The following SLC44A5 variants were observed in gnomAD, a reference collection of about 807,000 sequenced individuals.
SLC44A5 encodes the protein solute carrier family 44 member 5.
A neutral mutation model predicts 101.8 loss-of-function variants in SLC44A5; 57 were observed. The observed-to-expected ratio is 0.56, with a 90% confidence interval of 0.45 to 0.70. The LOEUF (loss-of-function observed/expected upper bound fraction) is 0.70. Among genes scored for constraint, SLC44A5 ranks in the 30% least tolerant of loss-of-function variants. The pLI is 0.00. For synonymous variants in SLC44A5, 281 were observed against 290.9 expected (o/e 0.97, Z 0.35); for missense variants, 737 against 853.1 (o/e 0.86, Z 1.70).
chr1:75,669,311 C>T, the SLC44A5 span, among the ~76,000 whole-genome samples: 2 of 147,500 alleles, frequency 1.4e-5, no homozygotes, highest in African/African-American at 5.4e-5. Flanking sequence ...TGTGGATTCC[C>T]TATACCCAAG....
intron 1 of SLC44A5, among the ~76,000 whole-genome samples, chr1:75,588,207 G>T (rs990228035): frequency 2.0e-5 from 3 of 149,618 alleles, no homozygotes; most frequent in Non-Finnish European, 4.4e-5. Context: ...AAAGAAAGAA[G>T]GGATGAAGGA....
intron 4 of SLC44A5, among the ~76,000 whole-genome samples, chr1:75,336,170 T>A (rs758466033): frequency 1.5e-4 from 23 of 152,146 alleles, no homozygotes; most frequent in Non-Finnish European, 2.1e-4. Flanking sequence ...TATTATTATT[T>A]TTTGAGACAG....
chr1:75,524,914 G>A (rs1030889083), intron 2 of SLC44A5, among the ~76,000 whole-genome samples: 4 of 151,642 alleles, frequency 2.6e-5, no homozygotes, highest in Non-Finnish European at 5.9e-5. Flanking sequence ...TGATGATTTT[G>A]GTTTTTCTCT....
At chr1:75,434,840 C>T (rs1029721405) in intron 2 of SLC44A5, among the ~76,000 whole-genome samples, 5 of 152,144 alleles carry the variant, frequency 3.3e-5, no homozygotes, top group Admixed American at 2.0e-4. Context: ...TACAATTTCA[C>T]CTTCTCCATA....
intron 2 of SLC44A5, among the ~76,000 whole-genome samples, chr1:75,523,670 G>A (rs922631187): frequency 6.6e-5 from 10 of 152,344 alleles, no homozygotes; most frequent in Admixed American, 4.6e-4. Context: ...AAATAAGCTA[G>A]ATGTGAAGGA....
chr1:75,286,709 T>A (rs2100803869), intron 5 of SLC44A5, among the ~76,000 whole-genome samples: 1 of 152,270 alleles, frequency 6.6e-6, no homozygotes, highest in East Asian at 1.9e-4. Context: ...CTGAAAAAGC[T>A]TGTATCTTTT....
chr1:75,325,620 G>A (rs1386140307), intron 4 of SLC44A5, among the ~76,000 whole-genome samples: 3 of 152,020 alleles, frequency 2.0e-5, no homozygotes, highest in Non-Finnish European at 4.4e-5. Context: ...TGTTATAATT[G>A]TTGTATTTTA....
intron 5 of SLC44A5, among the ~76,000 whole-genome samples, chr1:75,296,596 T>C (rs1653985492): frequency 6.6e-6 from 1 of 152,034 alleles, no homozygotes; most frequent in South Asian, 2.1e-4. Flanking sequence ...GCATCCCTCA[T>C]TACCACAGCA....
intron 1 of SLC44A5, among the ~76,000 whole-genome samples, chr1:75,566,528 T>C (rs1231841927): frequency 1.3e-5 from 2 of 152,238 alleles, no homozygotes; most frequent in African/African-American, 4.8e-5. Context: ...ATTTTTATTA[T>C]CTCTAACAAC....
chr1:75,647,298 G>A, the SLC44A5 span, among the ~76,000 whole-genome samples: 25 of 152,184 alleles, frequency 1.6e-4, no homozygotes, highest in Admixed American at 7.2e-4. Flanking sequence ...TGAGGTTTGG[G>A]AACCTCCACC....
intron 11 of SLC44A5, among the ~76,000 whole-genome samples, chr1:75,236,703 C>T (rs1648115343): frequency 6.6e-6 from 1 of 151,956 alleles, no homozygotes; most frequent in Admixed American, 6.6e-5. Context: ...AGATATTGCT[C>T]CATGTGACTT....
At chr1:75,399,748 A>G (rs2101424972) in intron 2 of SLC44A5, among the ~76,000 whole-genome samples, 1 of 152,366 alleles carries the variant, frequency 6.6e-6, no homozygotes, top group African/African-American at 2.4e-5. Context: ...GAACGGTTTT[A>G]TCAGTGGTGA....
chr1:75,359,768 C>T (rs556762246), intron 3 of SLC44A5, among the ~76,000 whole-genome samples: 17 of 152,218 alleles, frequency 1.1e-4, no homozygotes, highest in African/African-American at 3.9e-4. Context: ...ATAATGACTG[C>T]ACCAATTTAC....
the SLC44A5 span, among the ~76,000 whole-genome samples, chr1:75,648,770 A>G: frequency 2.0e-5 from 3 of 149,616 alleles, no homozygotes; most frequent in South Asian, 6.5e-4. Context: ...TTGATGGGAA[A>G]AAAAAGGATT....
the SLC44A5 span, among the ~76,000 whole-genome samples, chr1:75,704,607 T>C: frequency 6.6e-6 from 1 of 152,330 alleles, no homozygotes; most frequent in Non-Finnish European, 1.5e-5. Flanking sequence ...AATATTTTCT[T>C]TTCCATTATG....
At chr1:75,706,615 C>T in the SLC44A5 span, among the ~76,000 whole-genome samples, 1 of 152,134 alleles carries the variant, frequency 6.6e-6, no homozygotes, top group South Asian at 2.1e-4. Flanking sequence ...TTATTAAACA[C>T]AAATATTTTC....
chr1:75,321,216 C>A (rs924178691), intron 4 of SLC44A5, among the ~76,000 whole-genome samples: 3 of 152,116 alleles, frequency 2.0e-5, no homozygotes, highest in Non-Finnish European at 4.4e-5. Flanking sequence ...GCTGCTTCCA[C>A]ATTTTTAGGT....
the SLC44A5 span, among the ~76,000 whole-genome samples, chr1:75,693,190 G>A: frequency 1.3e-4 from 20 of 152,186 alleles, no homozygotes; most frequent in African/African-American, 4.6e-4. Context: ...TGGACAGTTA[G>A]TCAGGAATTC....
At chr1:75,661,226 A>G in the SLC44A5 span, among the ~76,000 whole-genome samples, 1 of 152,072 alleles carries the variant, frequency 6.6e-6, no homozygotes, top group Non-Finnish European at 1.5e-5. Context: ...CACCAAAAAT[A>G]TACACTGGGA....
Sources: gnomAD v4.1 joint callset for allele counts (sites outside exome capture counted in the v4.1 genomes callset) on GRCh38, gnomAD v4.1.1 for gene constraint, MANE v1.5 for transcripts, NCBI Gene and HGNC (gene_info 2026-07-23, HGNC 2026-07-21) for gene names.